STEAP1B: variants seen among roughly 807,000 people sequenced by gnomAD.
STEAP1B encodes the protein STEAP family protein MGC87042.
A neutral mutation model predicts 27.9 loss-of-function variants in STEAP1B; 13 were observed. The ratio of observed to expected loss-of-function variants is 0.47; its 90% CI spans 0.30 to 0.74. The LOEUF (loss-of-function observed/expected upper bound fraction) is 0.74. Among genes scored for constraint, STEAP1B ranks in the 30% least tolerant of loss-of-function variants. The probability of loss-of-function intolerance (pLI) is 0.06; values close to 1 mark genes in which losing one functional copy is unlikely to be tolerated. For synonymous variants in STEAP1B, 86 were observed against 107.1 expected (o/e 0.80, Z 1.22); for missense variants, 250 against 298.7 (o/e 0.84, Z 1.20).
rs1785982976 is a variant in STEAP1B, at chr7:22,476,923, C to T, written c.762+15642G>A. On this transcript the variant is annotated intron_variant, in intron 4 of 4. Transcript: ENST00000678116. Reference sequence around the variant, plus strand: ...CCTTGTGGCTCAGTGCCTGAGGGTGCTGACCTTTTGCTGGCTGTTGTCCAC... The same window carrying T: ...CCTTGTGGCTCAGTGCCTGAGGGTGTTGACCTTTTGCTGGCTGTTGTCCAC... 2.6e-5 allele frequency among the ~76,000 whole-genome samples: 4 copies of T among 152,308 alleles called. No homozygotes were observed. In the South Asian group the frequency reaches 8.3e-4, roughly 32 times the overall value.
chr7:22,463,653 G>GT (rs1321549562), intron 4 of STEAP1B, among the ~76,000 whole-genome samples: 1 of 152,032 alleles, frequency 6.6e-6, no homozygotes, highest in Non-Finnish European at 1.5e-5. Flanking sequence ...ATAACGCCGC[G>GT]TATCTACAAC....
Position 22,451,821 on chromosome 7 carries a change from T to C in STEAP1B, c.763-31985A>G, listed in dbSNP as rs1785495734. ...TTGAGGATTTTTGCAGCAATATTCA[T>C]AGGTATTGGCCTGTAGTGTTTTGTG... On this transcript the variant is annotated intron_variant, in intron 4 of 4. Coordinates refer to ENST00000678116, the MANE Select transcript of STEAP1B (RefSeq NM_001382447.1). Among the ~76,000 whole-genome samples the C allele has an allele frequency of 5.9e-5, 9 of 152,362 alleles. 1 individual carries two copies. In the South Asian group the frequency reaches 1.9e-3, roughly 32 times the overall value.
intron 4 of STEAP1B, among the ~76,000 whole-genome samples, chr7:22,471,830 G>T (rs1367428835): frequency 7.1e-6 from 1 of 141,280 alleles, no homozygotes; most frequent in African/African-American, 2.7e-5. Flanking sequence ...TTGAGCCTAG[G>T]AATTTGAGGC....
At chr7:22,433,738 C>T (rs932607562) in intron 4 of STEAP1B, among the ~76,000 whole-genome samples, 3 of 152,164 alleles carry the variant, frequency 2.0e-5, no homozygotes, top group African/African-American at 7.2e-5. Context: ...CAAAAAGCTA[C>T]CCACCACTAC....
At chr7:22,481,670 A>G (rs1398602650) in intron 4 of STEAP1B, among the ~76,000 whole-genome samples, 1 of 152,250 alleles carries the variant, frequency 6.6e-6, no homozygotes, top group Non-Finnish European at 1.5e-5. Context: ...TAAAACACAC[A>G]AGACTCACGT....
intron 4 of STEAP1B, among the ~76,000 whole-genome samples, chr7:22,491,941 A>C (rs547744393): frequency 6.6e-6 from 1 of 152,294 alleles, no homozygotes; most frequent in South Asian, 2.1e-4. Context: ...TGTGAAGTAG[A>C]ATAGAGGATA....
intron 4 of STEAP1B, among the ~76,000 whole-genome samples, chr7:22,467,770 C>CT (rs1785812505): frequency 6.6e-6 from 1 of 152,170 alleles, no homozygotes; most frequent in African/African-American, 2.4e-5. Context: ...AAACCTCTTT[C>CT]TTTGTAAATT....
chr7:22,421,977 G>A (rs957672424), intron 4 of STEAP1B, among the ~76,000 whole-genome samples: 2 of 152,176 alleles, frequency 1.3e-5, no homozygotes, highest in East Asian at 1.9e-4. Context: ...GAAATTAAAC[G>A]TCACTATCAA....
intron 4 of STEAP1B, among the ~76,000 whole-genome samples, chr7:22,456,973 T>TATATA (rs1554285707): frequency 0.011 from 626 of 59,228 alleles, 45 homozygotes; most frequent in Non-Finnish European, 0.015. Flanking sequence ...TATATATATA[T>TATATA]TTTTTTTTTT....
chr7:22,436,982 C>T (rs1785263115), intron 4 of STEAP1B, among the ~76,000 whole-genome samples: 1 of 152,080 alleles, frequency 6.6e-6, no homozygotes, highest in Non-Finnish European at 1.5e-5. Context: ...AAAGCAATTG[C>T]AACAAAAGCA....
At chr7:22,426,241 C>T (rs1218652883) in intron 4 of STEAP1B, among the ~76,000 whole-genome samples, 2 of 152,004 alleles carry the variant, frequency 1.3e-5, no homozygotes, top group Non-Finnish European at 2.9e-5. Context: ...TTTGGCAAAC[C>T]AGATCATCTG....
chr7:22,453,521 T>A (rs776381025), intron 4 of STEAP1B, among the ~76,000 whole-genome samples: 1 of 152,240 alleles, frequency 6.6e-6, no homozygotes, highest in Non-Finnish European at 1.5e-5. Context: ...GCTCTGTACC[T>A]GAAGCTCTTT....
intron 4 of STEAP1B, among the ~76,000 whole-genome samples, chr7:22,450,011 G>T (rs1395863102): frequency 6.6e-6 from 1 of 152,132 alleles, no homozygotes; most frequent in African/African-American, 2.4e-5. Context: ...CTATAGAGTT[G>T]TTTGAGCTCC....
At chr7:22,466,319 C>T (rs1227031916) in intron 4 of STEAP1B, among the ~76,000 whole-genome samples, 1 of 152,056 alleles carries the variant, frequency 6.6e-6, no homozygotes, top group South Asian at 2.1e-4. Context: ...TATTTCATCA[C>T]CCAGGTAATG....
chr7:22,490,438 T>C (rs2128416885), intron 4 of STEAP1B, among the ~76,000 whole-genome samples: 1 of 152,378 alleles, frequency 6.6e-6, no homozygotes, highest in African/African-American at 2.4e-5. Flanking sequence ...CCATGTTTAC[T>C]AAATGATCCA....
chr7:22,484,762 T>C (rs931653450), intron 4 of STEAP1B, among the ~76,000 whole-genome samples: 2 of 152,254 alleles, frequency 1.3e-5, no homozygotes, highest in African/African-American at 2.4e-5. Flanking sequence ...CCATTTTAGA[T>C]GCCATTAAAA....
intron 4 of STEAP1B, among the ~76,000 whole-genome samples, chr7:22,437,976 T>C (rs942181316): frequency 3.3e-5 from 5 of 152,218 alleles, no homozygotes; most frequent in Admixed American, 6.5e-5. Context: ...TATTGAGTTG[T>C]AGGCACACTC....
intron 4 of STEAP1B, among the ~76,000 whole-genome samples, chr7:22,462,527 C>T (rs1583643058): frequency 1.5e-5 from 2 of 137,156 alleles, no homozygotes; most frequent in South Asian, 2.6e-4. Context: ...TGATGATTTC[C>T]AATTTCCTCC....
intron 4 of STEAP1B, among the ~76,000 whole-genome samples, chr7:22,478,038 G>A (rs1432766939): frequency 6.6e-6 from 1 of 152,212 alleles, no homozygotes; most frequent in African/African-American, 2.4e-5. Flanking sequence ...AATCAGCAAA[G>A]CTCTGGAGCT....
Sources: allele counts gnomAD v4.1 joint callset (sites outside exome capture counted in the v4.1 genomes callset), GRCh38; gene constraint gnomAD v4.1.1; transcripts MANE v1.5; gene names NCBI Gene and HGNC (gene_info 2026-07-23, HGNC 2026-07-21).